Variants in ADGRB3 observed in about 807,000 individuals in gnomAD.
ADGRB3 encodes the protein adhesion G protein-coupled receptor B3, also known as brain-specific angiogenesis inhibitor 3.
A neutral mutation model predicts 193.4 loss-of-function variants in ADGRB3; 37 were observed. That is an observed-to-expected ratio of 0.19 (90% confidence interval 0.15 to 0.25). The LOEUF is 0.25. ADGRB3 is among the 10% of genes least tolerant of loss of function. ADGRB3 has a pLI of 1.00. For missense variants in ADGRB3, 1,637 were observed against 1,852.9 expected (o/e 0.88, Z 2.14); for synonymous variants, 690 against 644.2 (o/e 1.07, Z -1.08).
intron 3 of ADGRB3, among the ~76,000 whole-genome samples, chr6:68,796,151 C>G (rs1159281793): frequency 6.6e-6 from 1 of 152,070 alleles, no homozygotes; most frequent in African/African-American, 2.4e-5. Context: ...ATTAGTACAT[C>G]ACAGAAATGT....
At chr6:69,014,667 T>C (rs1355078393) in intron 12 of ADGRB3, among the ~76,000 whole-genome samples, 1 of 152,038 alleles carries the variant, frequency 6.6e-6, no homozygotes, top group Non-Finnish European at 1.5e-5. Context: ...ATTTGTGGTA[T>C]CCTAACTGAT....
chr6:69,145,648 G>A (rs1422795624), intron 17 of ADGRB3, among the ~76,000 whole-genome samples: 6 of 152,084 alleles, frequency 3.9e-5, no homozygotes, highest in Non-Finnish European at 7.4e-5. Context: ...GGATAAGAAA[G>A]ATGAAGAGTA....
chr6:68,688,374 T>G lies in ADGRB3; in HGVS notation c.757+48942T>G, dbSNP rs547914173. Among the ~76,000 whole-genome samples the G allele has an allele frequency of 2.1e-5, 3 of 144,654 alleles. No homozygotes were observed. The East Asian group carries it at 5.8e-4, about 28-fold the overall frequency. The allele number at this position is 144,654 out of a possible 152,430, so 94.9% of individuals were successfully genotyped here. A position where few individuals can be genotyped will look rare whatever the true frequency, so the allele number is the denominator to read the frequency against. On this transcript the variant is annotated intron_variant, in intron 3 of 31. Coordinates refer to ENST00000370598, the MANE Select transcript of ADGRB3 (RefSeq NM_001704.3). ...AAAGATTTTATTTTCTCTTTTAACTTAAATATTCTATATTCTAAGATATTA... is the reference window on the plus strand; with the variant it reads ...AAAGATTTTATTTTCTCTTTTAACTGAAATATTCTATATTCTAAGATATTA...
chr6:69,360,086 A>G (rs1769420280), intron 28 of ADGRB3, among the ~76,000 whole-genome samples: 1 of 151,828 alleles, frequency 6.6e-6, no homozygotes, highest in Non-Finnish European at 1.5e-5. Context: ...GTTCCCTTTC[A>G]TACTACAAGT....
chr6:69,358,320 A>G (rs1769376756), intron 28 of ADGRB3, among the ~76,000 whole-genome samples: 2 of 151,798 alleles, frequency 1.3e-5, no homozygotes, highest in South Asian at 4.2e-4. Context: ...CATCCAGATA[A>G]TTTTGATGCA....
intron 20 of ADGRB3, among the ~76,000 whole-genome samples, chr6:69,274,391 C>T (rs1767246319): frequency 6.6e-6 from 1 of 151,522 alleles, no homozygotes; most frequent in African/African-American, 2.4e-5. Context: ...GCGGACAGCA[C>T]GTGGCAGATA....
rs192551824 is a variant in ADGRB3, at chr6:68,655,689, C to T, written c.757+16257C>T. On this transcript the variant is annotated intron_variant, in intron 3 of 31. Coordinates refer to ENST00000370598, the MANE Select transcript of ADGRB3 (RefSeq NM_001704.3). ...GTCTATTCTCCTTTAGTCCTCATTTCAAATATCAACCACTGTTTACAGTAT... is the reference window on the plus strand; with the variant it reads ...GTCTATTCTCCTTTAGTCCTCATTTTAAATATCAACCACTGTTTACAGTAT... Among the ~76,000 whole-genome samples, 4 of 151,718 alleles carry T rather than the reference C, an allele frequency of 2.6e-5. No homozygotes were observed. In the East Asian group the frequency reaches 5.8e-4, roughly 22 times the overall value.
chr6:69,297,159 A>C (rs980780380), intron 20 of ADGRB3, among the ~76,000 whole-genome samples: 1 of 152,144 alleles, frequency 6.6e-6, no homozygotes, highest in Admixed American at 6.6e-5. Flanking sequence ...TCATCATTGC[A>C]GTGATAATGG....
chr6:69,178,861 C>CT (rs1329131110), intron 17 of ADGRB3, among the ~76,000 whole-genome samples: 1 of 152,148 alleles, frequency 6.6e-6, no homozygotes, highest in Non-Finnish European at 1.5e-5. Context: ...GACCTTTTCT[C>CT]TAAGTGCCTT....
intron 17 of ADGRB3, among the ~76,000 whole-genome samples, chr6:69,096,893 G>T (rs932344499): frequency 6.6e-6 from 1 of 152,188 alleles, no homozygotes; most frequent in African/African-American, 2.4e-5. Flanking sequence ...AATGTGAAGT[G>T]AACCTCAAGG....
At chr6:68,995,127 A>G (rs1251336554) in intron 11 of ADGRB3, among the ~76,000 whole-genome samples, 1 of 152,202 alleles carries the variant, frequency 6.6e-6, no homozygotes, top group Non-Finnish European at 1.5e-5. Context: ...CCTGGAGTGG[A>G]TGGAAGATTA....
intron 17 of ADGRB3, among the ~76,000 whole-genome samples, chr6:69,220,546 A>G (rs1483945266): frequency 6.6e-6 from 1 of 152,118 alleles, no homozygotes; most frequent in East Asian, 1.9e-4. Flanking sequence ...TAGCAGGCTG[A>G]AACTGTGGCC....
At chr6:68,711,031 A>G (rs535315076) in intron 3 of ADGRB3, among the ~76,000 whole-genome samples, 2 of 152,198 alleles carry the variant, frequency 1.3e-5, no homozygotes, top group East Asian at 1.9e-4. Context: ...TTCAAACTCT[A>G]CTGTGAAATT....
intron 3 of ADGRB3, among the ~76,000 whole-genome samples, chr6:68,921,218 A>T (rs1289611367): frequency 6.6e-6 from 1 of 152,220 alleles, no homozygotes; most frequent in African/African-American, 2.4e-5. Flanking sequence ...TAAAAGGAAG[A>T]GGGTCAGATG....
At chr6:69,201,135 C>T (rs568924933) in intron 17 of ADGRB3, among the ~76,000 whole-genome samples, 1 of 152,032 alleles carries the variant, frequency 6.6e-6, no homozygotes, top group South Asian at 2.1e-4. Flanking sequence ...GATTTTTCTC[C>T]CTCTGAAGAA....
At chr6:68,780,674 C>T (rs1311558161) in intron 3 of ADGRB3, among the ~76,000 whole-genome samples, 1 of 152,028 alleles carries the variant, frequency 6.6e-6, no homozygotes, top group South Asian at 2.1e-4. Context: ...TTCTGGTGTG[C>T]TAAGCACAAG....
rs1312781765 is a variant in ADGRB3, at chr6:68,836,830, AT to A, written c.758-93721del. 8.6e-5 allele frequency among the ~76,000 whole-genome samples: 13 copies of A among 152,014 alleles called. No homozygotes were observed. The East Asian group carries it at 1.2e-3, about 14-fold the overall frequency. On this transcript the variant is annotated intron_variant, in intron 3 of 31. Coordinates refer to ENST00000370598, the MANE Select transcript of ADGRB3 (RefSeq NM_001704.3). ...CATAGTGAGACTCCATCTCTATTTT[AT>A]TTTTTTTAAAGAGTGAAATGTGAAG...
intron 3 of ADGRB3, among the ~76,000 whole-genome samples, chr6:68,809,750 G>A (rs1396293550): frequency 1.3e-5 from 2 of 152,162 alleles, no homozygotes; most frequent in Non-Finnish European, 2.9e-5. Flanking sequence ...CACAGGTCCT[G>A]TGGATCTCTT....
rs1455524133 is a variant in ADGRB3, at chr6:69,354,264, A to G, written c.3491A>G (p.Asn1164Ser). 6.2e-7 allele frequency: 1 copy of G among 1,613,934 alleles called. No homozygotes were observed. Among genetic ancestry groups the G allele is most frequent in the East Asian group, 2.2e-5 (1 of 44,868 alleles). Residue 1164 changes from asparagine (N) to serine (S), a missense_variant, in exon 27 of 32, where the codon AAC (asparagine) becomes AGC (serine). By Grantham distance (46) the Asn-to-Ser change is conservative. This residue lies in a region of ADGRB3 where 116 missense variants were observed against 168.1 expected (regional missense o/e 0.69). Coordinates refer to ENST00000370598, the MANE Select transcript of ADGRB3 (RefSeq NM_001704.3). The part of the protein sequence containing the change: ...VQDAFRCRLR[N>S]CQDPINADSS... Reference sequence around the variant, plus strand: ...GATGCATTTAGATGCCGATTGAGAAACTGTCAGGATCCCATCAATGCAGAT... The same window carrying G: ...GATGCATTTAGATGCCGATTGAGAAGCTGTCAGGATCCCATCAATGCAGAT...
Sources: allele counts gnomAD v4.1 joint callset (sites outside exome capture counted in the v4.1 genomes callset), GRCh38; gene constraint gnomAD v4.1.1; regional missense constraint gnomAD v4.1.1; transcripts MANE v1.5; gene names NCBI Gene and HGNC (gene_info 2026-07-23, HGNC 2026-07-21).